The following DENND5A variants were observed in gnomAD, a reference collection of about 807,000 sequenced individuals.
DENND5A encodes DENN domain containing 5A, also known as DENN domain-containing protein 5A.
In DENND5A, 64 loss-of-function variants were observed where a neutral mutation model predicts 140.3. That is an observed-to-expected ratio of 0.46 (90% CI 0.37 to 0.56). The LOEUF (loss-of-function observed/expected upper bound fraction) is 0.56. DENND5A is among the 20% of genes least tolerant of loss of function. The probability of loss-of-function intolerance (pLI) is 0.00; values close to 1 mark genes in which losing one functional copy is unlikely to be tolerated. For synonymous variants in DENND5A, 605 were observed against 607.7 expected, an observed-to-expected ratio of 1.00 and a Z score of 0.07; for missense variants, 1,292 against 1,593.8, an observed-to-expected ratio of 0.81 and a Z score of 3.22.
chr11:9,140,225 A>G (rs1442147361), intron 22 of DENND5A: 1 of 1,315,634 alleles, frequency 7.6e-7, no homozygotes, highest in East Asian at 5.0e-5. Context: ...CACTGACATA[A>G]GAGATTTAAT....
chr11:9,219,575 A>C (rs887469751), intron 1 of DENND5A, among the ~76,000 whole-genome samples: 4 of 152,248 alleles, frequency 2.6e-5, no homozygotes, highest in Non-Finnish European at 5.9e-5. Context: ...ACAAAAAAAA[A>C]CGACTTACAT....
intron 1 of DENND5A, among the ~76,000 whole-genome samples, chr11:9,233,076 T>C (rs944406155): frequency 3.3e-5 from 5 of 152,206 alleles, no homozygotes; most frequent in Admixed American, 3.3e-4. Flanking sequence ...AAATAGTGAC[T>C]GAAGTAGACT....
At chr11:9,234,330 T>A (rs1456793501) in intron 1 of DENND5A, among the ~76,000 whole-genome samples, 1 of 149,558 alleles carries the variant, frequency 6.7e-6, no homozygotes, top group African/African-American at 2.5e-5. Flanking sequence ...CCCAAAAAAA[T>A]GAGCAAAAAG....
At chr11:9,248,852 T>A (rs553584741) in intron 1 of DENND5A, among the ~76,000 whole-genome samples, 1 of 152,244 alleles carries the variant, frequency 6.6e-6, no homozygotes, top group Non-Finnish European at 1.5e-5. Context: ...GCTATCTTCA[T>A]AACTAGGCTA....
At chr11:9,172,981 A>G (rs74886753) in intron 8 of DENND5A, among the ~76,000 whole-genome samples, 1 of 107,720 alleles carries the variant, frequency 9.3e-6, no homozygotes, top group Non-Finnish European at 1.8e-5. Flanking sequence ...ATGCCTGGCT[A>G]ATTTTTTTTT....
intron 7 of DENND5A, 137 bp downstream of exon 7, chr11:9,178,721 A>G (rs979831744): frequency 1.4e-6 from 1 of 715,748 alleles, no homozygotes; most frequent in Non-Finnish European, 2.3e-6. Context: ...TATTTTATCA[A>G]CATCAAATGG....
At chr11:9,179,781 G>C (rs779817801) in intron 6 of DENND5A, among the ~76,000 whole-genome samples, 3 of 152,116 alleles carry the variant, frequency 2.0e-5, no homozygotes, top group Non-Finnish European at 2.9e-5. Context: ...TTACAGGCGT[G>C]AGCCACCGCA....
chr11:9,233,397 T>A (rs1292856226), intron 1 of DENND5A, among the ~76,000 whole-genome samples: 5 of 104,496 alleles, frequency 4.8e-5, no homozygotes, highest in African/African-American at 1.3e-4. Context: ...AGACTCTGTC[T>A]CAAAAAAAAA....
intron 1 of DENND5A, among the ~76,000 whole-genome samples, chr11:9,262,836 G>C (rs1482904363): frequency 5.3e-5 from 8 of 152,058 alleles, no homozygotes; most frequent in Non-Finnish European, 1.2e-4. Context: ...CCGCCTCCCG[G>C]GTTCACGCCA....
rs573259947 is a variant in DENND5A, at chr11:9,176,032, A to G, written c.1906+2100T>C. 2.6e-5 allele frequency among the ~76,000 whole-genome samples: 4 copies of G among 152,278 alleles called. No individual in the cohort carries two copies. The East Asian group carries it at 7.7e-4, about 29-fold the overall frequency. On this transcript the variant is annotated intron_variant, in intron 8 of 22. Transcript: ENST00000328194. ...CAAATCAAAATCACGTCTCCCTTAC[A>G]TTTTCTAGTCTTCTCTCTTTACCTT...
At chr11:9,159,764 C>G (rs1209990473) in intron 12 of DENND5A, among the ~76,000 whole-genome samples, 1 of 152,222 alleles carries the variant, frequency 6.6e-6, no homozygotes, top group African/African-American at 2.4e-5. Context: ...GTGGCTGCAC[C>G]ATTTTACATT....
At chr11:9,225,754 T>A (rs991455155) in intron 1 of DENND5A, among the ~76,000 whole-genome samples, 2 of 147,702 alleles carry the variant, frequency 1.4e-5, no homozygotes, top group Non-Finnish European at 3.0e-5. Context: ...AGAGCAAGAC[T>A]CTGTCTCAAA....
chr11:9,215,028 G>A (rs1201743394), intron 1 of DENND5A, among the ~76,000 whole-genome samples: 13 of 151,950 alleles, frequency 8.6e-5, no homozygotes, highest in Non-Finnish European at 1.3e-4. Context: ...CACCAGCCCC[G>A]CAGGCCACTT....
chr11:9,176,463 A>G (rs7925308), intron 8 of DENND5A, among the ~76,000 whole-genome samples: 68,704 of 152,040 alleles, frequency 0.45, 16,737 homozygotes, highest in African/African-American at 0.62. Flanking sequence ...TAGCTAAACT[A>G]ATGTAGATGA....
chr11:9,142,176 A>C (rs1456868869), intron 21 of DENND5A, 68 bp from the exon 22 acceptor site: 2 of 1,359,996 alleles, frequency 1.5e-6, no homozygotes, highest in Non-Finnish European at 2.0e-6. Context: ...CCTACAGGCC[A>C]CTTGCCATGG....
At chr11:9,228,811 A>C (rs1850641600) in intron 1 of DENND5A, among the ~76,000 whole-genome samples, 1 of 152,058 alleles carries the variant, frequency 6.6e-6, no homozygotes, top group South Asian at 2.1e-4. Flanking sequence ...CAGCGTGAGC[A>C]CGAAGGCTCC....
chr11:9,144,329 C>T, intron 18 of DENND5A, 51 bp from the exon 19 acceptor site: 1 of 1,588,106 alleles, frequency 6.3e-7, no homozygotes, highest in South Asian at 1.1e-5. Context: ...CCCTGCTGCT[C>T]ACAGGAAGAG....
chr11:9,163,712 G>A (rs999720023), intron 11 of DENND5A, among the ~76,000 whole-genome samples: 5 of 151,240 alleles, frequency 3.3e-5, no homozygotes, highest in Admixed American at 1.3e-4. Flanking sequence ...GCTAAGGCAC[G>A]AGAATTGCTT....
intron 1 of DENND5A, among the ~76,000 whole-genome samples, chr11:9,248,703 T>A (rs898259070): frequency 1.3e-5 from 2 of 151,846 alleles, no homozygotes; most frequent in Admixed American, 6.6e-5. Context: ...GTTTTTCAGG[T>A]TTCTCTAGGG....
Sources: gnomAD v4.1 joint callset for allele counts (sites outside exome capture counted in the v4.1 genomes callset) on GRCh38, gnomAD v4.1.1 for gene constraint, MANE v1.5 for transcripts, NCBI Gene and HGNC (gene_info 2026-07-23, HGNC 2026-07-21) for gene names.